Variants in TRUB1 observed in about 807,000 individuals in gnomAD.
The protein encoded by TRUB1 is TruB pseudouridine synthase family member 1, also known as pseudouridylate synthase TRUB1.
TRUB1 carries 23 observed loss-of-function variants against 33.9 expected under a neutral mutation model. The observed-to-expected ratio is 0.68, with a 90% confidence interval of 0.49 to 0.96. The LOEUF is 0.96. Ranked by LOEUF, TRUB1 falls within the 40% of genes least tolerant of loss-of-function variation. TRUB1 has a pLI of 0.00. For synonymous variants in TRUB1, 163 were observed against 165.4 expected (o/e 0.99, Z 0.11); for missense variants, 378 against 422.2 (o/e 0.90, Z 0.92).
chr10:114,949,548 A>T (rs1204133715), intron 2 of TRUB1, among the ~76,000 whole-genome samples: 1 of 152,190 alleles, frequency 6.6e-6, no homozygotes, highest in Non-Finnish European at 1.5e-5. Flanking sequence ...TACTTTAATA[A>T]GGAGTTGGTG....
intron 4 of TRUB1, among the ~76,000 whole-genome samples, chr10:114,968,258 G>A (rs1390601786): frequency 6.6e-6 from 1 of 152,162 alleles, no homozygotes; most frequent in Non-Finnish European, 1.5e-5. Context: ...AACACATCTT[G>A]TCATCTTGTG....
In TRUB1 at chr10:114,954,657, T is replaced by TC. The variant is rs11453900; in HGVS notation, c.441+3511dup. 6.0e-3 allele frequency among the ~76,000 whole-genome samples: 910 copies of TC among 152,162 alleles called. 8 individuals are homozygous for TC. The highest frequency in any genetic ancestry group is 0.021 in the African/African-American group (878 of 41,452). On this transcript the variant is annotated intron_variant, in intron 3 of 7. Transcript: ENST00000298746. ...CATATTTCTCAAGTCTTTTTTTTTT[T>TC]CCCTGTGCCTGATCATTTAGGATTA...
intron 4 of TRUB1, among the ~76,000 whole-genome samples, chr10:114,966,653 T>C (rs1375216151): frequency 6.6e-6 from 1 of 152,224 alleles, no homozygotes; most frequent in African/African-American, 2.4e-5. Flanking sequence ...AGGTCTTTTA[T>C]AGCCATATTT....
intron 1 of TRUB1, among the ~76,000 whole-genome samples, chr10:114,940,670 G>A (rs373139187): frequency 9.8e-5 from 15 of 152,298 alleles, no homozygotes; most frequent in Admixed American, 5.2e-4. Context: ...ATATAGTAGA[G>A]GCAGTACGTC....
At chr10:114,968,780 G>T (rs74159820) in intron 4 of TRUB1, among the ~76,000 whole-genome samples, 4,269 of 152,210 alleles carry the variant, frequency 0.028, 201 homozygotes, top group African/African-American at 0.097. Context: ...GTCTTGTTGG[G>T]TTGATATTAA....
At chr10:114,951,015 T>C in intron 2 of TRUB1, 79 bp from the exon 3 acceptor site, 1 of 1,309,724 alleles carries the variant, frequency 7.6e-7, no homozygotes, top group Non-Finnish European at 1.1e-6. Context: ...GCTGGGAAAT[T>C]ATGACCAAAA....
chr10:114,969,788 G>C (rs528407151), intron 4 of TRUB1, among the ~76,000 whole-genome samples: 1 of 150,688 alleles, frequency 6.6e-6, no homozygotes, highest in African/African-American at 2.4e-5. Flanking sequence ...AGGCTGGGGC[G>C]GGGGGACAGA....
intron 7 of TRUB1, 22 bp downstream of exon 7, chr10:114,974,407 G>T: frequency 6.3e-7 from 1 of 1,593,816 alleles, no homozygotes; most frequent in South Asian, 1.1e-5. Flanking sequence ...AATGAATTAT[G>T]AATTATCATT....
intron 4 of TRUB1, among the ~76,000 whole-genome samples, chr10:114,969,878 T>G (rs1381387375): frequency 6.6e-6 from 1 of 152,142 alleles, no homozygotes; most frequent in Non-Finnish European, 1.5e-5. Flanking sequence ...ATTTGAAATC[T>G]TACCAGGTAA....
chr10:114,951,589 A>G (rs1008067358), intron 3 of TRUB1, among the ~76,000 whole-genome samples: 4 of 152,210 alleles, frequency 2.6e-5, no homozygotes, highest in African/African-American at 4.8e-5. Flanking sequence ...CCTCTTTAAG[A>G]TGATAAAGTA....
rs1322685521 is a variant in TRUB1 at position 114,976,777 on chromosome 10, A to G, written c.*1398A>G. The G allele has an allele frequency of 7.7e-6, 1 of 129,800 alleles. No homozygotes were observed. Among genetic ancestry groups the G allele is most frequent in the Non-Finnish European group, 1.5e-5 (1 of 65,566 alleles). 8.0% of individuals were successfully genotyped at this position (129,800 alleles called of 1,614,324 possible). ...TATTGGCAACATATTTTAAATGAAA[A>G]CACTAAAACAATTCTTAGTATGAGA... On this transcript the variant is annotated 3_prime_UTR_variant, in exon 8 of 8. Transcript: ENST00000298746.
chr10:114,942,585 T>C lies in TRUB1; in HGVS notation c.287-60T>C, dbSNP rs114643708. ...CCATCCCCTTTTCCTCCCAAGTTTA[T>C]GAAGATCCTACTTCATTTGTCTTGG... is the stretch of plus-strand genomic sequence containing the variant. On this transcript the variant is annotated intron_variant, in intron 1 of 7. Transcript: ENST00000298746. 2,681 of 1,163,000 alleles carry C rather than the reference T, an allele frequency of 2.3e-3. 33 individuals are homozygous for C. The African/African-American group carries it at 0.036, about 15-fold the overall frequency. The allele number at this position is 1,163,000 out of a possible 1,614,324, so 72.0% of individuals were successfully genotyped here.
At chr10:114,954,207 A>G (rs1320142615) in intron 3 of TRUB1, among the ~76,000 whole-genome samples, 1 of 152,190 alleles carries the variant, frequency 6.6e-6, no homozygotes, top group Non-Finnish European at 1.5e-5. Flanking sequence ...TGTAGGATGG[A>G]GTTACGTCAA....
Position 114,951,097 on chromosome 10 carries a change from T to C in TRUB1, c.389T>C (p.Val130Ala), listed in dbSNP as rs985522231. ...TATTTCTTTCTTTGATTTGTAGTTG[T>C]TGGAATTGGAAGCGGAACAAAAATG... ...LDSAARGVLV[V>A]GIGSGTKMLT... The change falls in exon 3 of 8, where the codon GTT (valine) becomes GCT (alanine). Residue 130 changes from valine (V) to alanine (A), a missense_variant. Physicochemically the swap from Val to Ala is moderately conservative, Grantham distance 64. Transcript: ENST00000298746. 5.6e-6 allele frequency: 9 copies of C among 1,612,010 alleles called. No individual in the cohort carries two copies. Among genetic ancestry groups the C allele is most frequent in the Non-Finnish European group, 6.8e-6 (8 of 1,178,658 alleles).
chr10:114,970,326 TTC>T, intron 4 of TRUB1, 40 bp from the exon 5 acceptor site: 1 of 1,393,662 alleles, frequency 7.2e-7, no homozygotes, highest in Non-Finnish European at 1.0e-6. Flanking sequence ...GTACATGTAC[TTC>T]TGTGGTTGTT....
intron 1 of TRUB1, among the ~76,000 whole-genome samples, chr10:114,942,098 T>C (rs950716959): frequency 6.6e-6 from 1 of 152,178 alleles, no homozygotes; most frequent in Admixed American, 6.5e-5. Flanking sequence ...TTCGCTTCTT[T>C]AATGAATTGA....
At chr10:114,965,341 A>AT (rs1412956186) in intron 4 of TRUB1, among the ~76,000 whole-genome samples, 1 of 151,714 alleles carries the variant, frequency 6.6e-6, no homozygotes. Flanking sequence ...ATTGTATCAA[A>AT]TTTTTTTTCT....
chr10:114,953,546 G>A (rs969403416), intron 3 of TRUB1, among the ~76,000 whole-genome samples: 2 of 151,220 alleles, frequency 1.3e-5, no homozygotes, highest in Admixed American at 1.3e-4. Context: ...AAATTTTTTT[G>A]ACTAAGACCC....
chr10:114,959,993 A>G, intron 4 of TRUB1, 186 bp downstream of exon 4: 1 of 535,262 alleles, frequency 1.9e-6, no homozygotes. Flanking sequence ...TTGAATAAAG[A>G]TTTATTGTGA....
Sources: gnomAD v4.1 joint callset for allele counts (sites outside exome capture counted in the v4.1 genomes callset) on GRCh38, gnomAD v4.1.1 for gene constraint, MANE v1.5 for transcripts, NCBI Gene and HGNC (gene_info 2026-07-23, HGNC 2026-07-21) for gene names.